Variants in EEIG2 observed in about 807,000 individuals in gnomAD.
EEIG2 encodes the protein family with sequence similarity 102 member B.
the EEIG2 span, among the ~76,000 whole-genome samples, chr1:108,611,609 G>A: frequency 6.6e-6 from 1 of 152,206 alleles, no homozygotes; most frequent in African/African-American, 2.4e-5. Context: ...GGAAGGTAGT[G>A]AAAGAGAAGG....
the EEIG2 span, among the ~76,000 whole-genome samples, chr1:108,589,237 T>G: frequency 1.3e-5 from 2 of 152,170 alleles, no homozygotes; most frequent in African/African-American, 4.8e-5. Context: ...TCTTTTCTCC[T>G]TACTGTTAGT....
the EEIG2 span, among the ~76,000 whole-genome samples, chr1:108,594,229 G>C: frequency 2.6e-5 from 4 of 152,104 alleles, no homozygotes. Flanking sequence ...AAGGAGACAG[G>C]AGCAAGAAAC....
the EEIG2 span, among the ~76,000 whole-genome samples, chr1:108,573,155 C>T: frequency 6.6e-6 from 1 of 152,154 alleles, no homozygotes; most frequent in Admixed American, 6.5e-5. Context: ...GAGTATTGCC[C>T]ACCCATCTTT....
the EEIG2 span, among the ~76,000 whole-genome samples, chr1:108,601,707 G>A: frequency 6.6e-6 from 1 of 152,082 alleles, no homozygotes. Flanking sequence ...TAGGCAAGGG[G>A]CAGAATAAAC....
chr1:108,622,748 A>G, the EEIG2 span, among the ~76,000 whole-genome samples: 10 of 152,222 alleles, frequency 6.6e-5, no homozygotes, highest in Non-Finnish European at 1.3e-4. Flanking sequence ...TTTAATAGCA[A>G]TCTTAAATGT....
chr1:108,629,113 T>C, the EEIG2 span, among the ~76,000 whole-genome samples: 1 of 152,246 alleles, frequency 6.6e-6, no homozygotes, highest in Non-Finnish European at 1.5e-5. Context: ...CATCTGCTTT[T>C]GTTATAAGTG....
the EEIG2 span, among the ~76,000 whole-genome samples, chr1:108,563,637 T>C: frequency 6.6e-6 from 1 of 152,194 alleles, no homozygotes; most frequent in Admixed American, 6.5e-5. Context: ...TATATTTGGC[T>C]TTGTACAACA....
chr1:108,637,467 A>G, the EEIG2 span: 1 of 152,106 alleles, frequency 6.6e-6, no homozygotes, highest in Non-Finnish European at 1.5e-5. Flanking sequence ...GGTTAAGAAC[A>G]TCTTAACCAT....
At chr1:108,616,622 AATT>A in the EEIG2 span, among the ~76,000 whole-genome samples, 2 of 152,196 alleles carry the variant, frequency 1.3e-5, no homozygotes, top group Non-Finnish European at 2.9e-5. Context: ...CCATACTCCA[AATT>A]ATTAATGCTA....
the EEIG2 span, chr1:108,624,719 A>G: frequency 6.2e-7 from 1 of 1,614,070 alleles, no homozygotes; most frequent in Non-Finnish European, 8.5e-7. Context: ...AAAGGTGGAG[A>G]GACTCTCAAA....
At chr1:108,621,906 C>G in the EEIG2 span, among the ~76,000 whole-genome samples, 4 of 152,018 alleles carry the variant, frequency 2.6e-5, no homozygotes, top group Non-Finnish European at 5.9e-5. Flanking sequence ...CCTGTAATCC[C>G]AACACTTTGG....
the EEIG2 span, among the ~76,000 whole-genome samples, chr1:108,564,205 A>G: frequency 2.0e-5 from 3 of 152,146 alleles, no homozygotes; most frequent in Non-Finnish European, 2.9e-5. Flanking sequence ...TTGTGTGGTT[A>G]AAGTGGCGTA....
chr1:108,624,052 TTTGAATTAA>T, the EEIG2 span, among the ~76,000 whole-genome samples: 1 of 151,510 alleles, frequency 6.6e-6, no homozygotes, highest in Admixed American at 6.6e-5. Context: ...GGAATAGGAG[TTTGAATTAA>T]CCAATGAAAA....
chr1:108,577,906 C>T, the EEIG2 span, among the ~76,000 whole-genome samples: 18 of 151,568 alleles, frequency 1.2e-4, no homozygotes, highest in Non-Finnish European at 2.2e-4. Flanking sequence ...GCCTTTTTCA[C>T]GATATTGATT....
At chr1:108,620,084 C>T in the EEIG2 span, among the ~76,000 whole-genome samples, 7 of 152,096 alleles carry the variant, frequency 4.6e-5, no homozygotes, top group Admixed American at 6.6e-5. Context: ...GATGAGGAAA[C>T]GGAGTAACAG....
chr1:108,636,344 G>C, the EEIG2 span: 2 of 152,160 alleles, frequency 1.3e-5, no homozygotes, highest in African/African-American at 2.4e-5. Flanking sequence ...ATCACTATTA[G>C]TGAAGAAAAA....
At chr1:108,636,914 T>C in the EEIG2 span, 4 of 152,326 alleles carry the variant, frequency 2.6e-5, no homozygotes, top group African/African-American at 9.6e-5. Flanking sequence ...AACATATTTT[T>C]CTATTTTCAA....
At chr1:108,606,114 C>CT in the EEIG2 span, 1 of 619,848 alleles carries the variant, frequency 1.6e-6, no homozygotes, top group Non-Finnish European at 2.6e-6. Flanking sequence ...ATTTTACTGT[C>CT]TATGATATTT....
the EEIG2 span, among the ~76,000 whole-genome samples, chr1:108,599,034 G>A: frequency 1.1e-3 from 170 of 152,096 alleles, 1 homozygote; most frequent in Non-Finnish European, 1.8e-3. Flanking sequence ...GTGTGGTAGT[G>A]TATGCCTATG....
Sources: allele counts gnomAD v4.1 joint callset (sites outside exome capture counted in the v4.1 genomes callset), GRCh38; gene constraint gnomAD v4.1.1; transcripts MANE v1.5; gene names NCBI Gene and HGNC (gene_info 2026-07-23, HGNC 2026-07-21).